The following DGKB variants were observed in gnomAD, a reference collection of about 807,000 sequenced individuals.
The protein encoded by DGKB is diacylglycerol kinase beta, also known as 90 kDa diacylglycerol kinase.
In DGKB, 67 loss-of-function variants were observed where a neutral mutation model predicts 114.3. That is an observed-to-expected ratio of 0.59 (90% CI 0.48 to 0.72). DGKB has a LOEUF of 0.72. Ranked by LOEUF, DGKB falls within the 30% of genes least tolerant of loss-of-function variation. DGKB has a pLI of 0.00. For missense variants in DGKB, 907 were observed against 975.2 expected, an observed-to-expected ratio of 0.93 and a Z score of 0.93; for synonymous variants, 398 against 323.1, an observed-to-expected ratio of 1.23 and a Z score of -2.49.
chr7:14,950,038 A>G (rs1410029767), intron 1 of DGKB, among the ~76,000 whole-genome samples: 1 of 152,014 alleles, frequency 6.6e-6, no homozygotes, highest in Non-Finnish European at 1.5e-5. Flanking sequence ...CCAACATGGC[A>G]CACGTATACA....
Position 14,736,156 on chromosome 7 carries a change from T to C in DGKB, c.207A>G (p.Thr69=). 1 of 1,607,228 alleles carries C rather than the reference T, an allele frequency of 6.2e-7. No homozygotes were observed. Among genetic ancestry groups the C allele is most frequent in the Non-Finnish European group, 8.5e-7 (1 of 1,175,280 alleles). ...DFEGFKLFMK[T]FLEAELPDDF... ...CATCAGGAAGCTCGGCTTCCAGGAATGTCTTCATGAATAGTTTGAAACCTT... is the reference window on the plus strand; with the variant it reads ...CATCAGGAAGCTCGGCTTCCAGGAACGTCTTCATGAATAGTTTGAAACCTT... Residue 69 remains threonine, a synonymous_variant, in exon 5 of 26, where the codon ACA becomes ACG. Transcript: ENST00000402815.
At chr7:14,472,081 A>G (rs756494793) in intron 21 of DGKB, among the ~76,000 whole-genome samples, 2 of 152,190 alleles carry the variant, frequency 1.3e-5, no homozygotes, top group Non-Finnish European at 2.9e-5. Flanking sequence ...TTATTCTAGT[A>G]AAATGGTTTT....
At chr7:14,942,996 T>A (rs937628476) in intron 1 of DGKB, among the ~76,000 whole-genome samples, 3 of 151,982 alleles carry the variant, frequency 2.0e-5, no homozygotes, top group Non-Finnish European at 2.9e-5. Flanking sequence ...AGGGATGTAG[T>A]CTATTTCATA....
intron 21 of DGKB, among the ~76,000 whole-genome samples, chr7:14,435,357 A>G (rs1829083717): frequency 6.6e-6 from 1 of 152,090 alleles, no homozygotes; most frequent in Non-Finnish European, 1.5e-5. Flanking sequence ...CAGTATGTAG[A>G]GGACTAATTA....
In DGKB at chr7:14,279,247, G is replaced by A. The variant is rs904514336; in HGVS notation, c.2122+59268C>T. 7.2e-5 allele frequency among the ~76,000 whole-genome samples: 11 copies of A among 152,186 alleles called. 1 individual carries two copies. Among genetic ancestry groups the A allele is most frequent in the South Asian group, 4.2e-4 (2 of 4,816 alleles). ...GAGGGTCCTACCCCCACGGAGTCTC[G>A]CTGATTGCTAGCACAGCAGTCTGAG... is the stretch of plus-strand genomic sequence containing the variant. On this transcript the variant is annotated intron_variant, in intron 23 of 25. Transcript: ENST00000402815.
At chr7:14,168,274 T>C (rs983852103) in intron 25 of DGKB, among the ~76,000 whole-genome samples, 3 of 151,690 alleles carry the variant, frequency 2.0e-5, no homozygotes, top group African/African-American at 7.3e-5. Context: ...CAATAGAAAA[T>C]ATAGAAGGAA....
intron 21 of DGKB, among the ~76,000 whole-genome samples, chr7:14,359,775 A>G (rs1003549899): frequency 1.3e-5 from 2 of 152,184 alleles, no homozygotes; most frequent in Admixed American, 1.3e-4. Flanking sequence ...ATACCATCTC[A>G]CACTGTTAGA....
intron 25 of DGKB, among the ~76,000 whole-genome samples, chr7:14,163,976 C>T (rs562379751): frequency 6.6e-6 from 1 of 150,862 alleles, no homozygotes; most frequent in Admixed American, 6.6e-5. Context: ...GCCTGGGCAA[C>T]AGCAGAGAAA....
chr7:14,972,476 G>C (rs1433027786), intron 1 of DGKB, among the ~76,000 whole-genome samples: 1 of 151,964 alleles, frequency 6.6e-6, no homozygotes, highest in Non-Finnish European at 1.5e-5. Flanking sequence ...AAAATAACTT[G>C]CTATCTTCTC....
chr7:14,690,207 T>C (rs1822578200), intron 9 of DGKB, among the ~76,000 whole-genome samples: 1 of 152,264 alleles, frequency 6.6e-6, no homozygotes, highest in African/African-American at 2.4e-5. Flanking sequence ...ATCTTGTTCA[T>C]GCAGGAAAAG....
intron 2 of DGKB, among the ~76,000 whole-genome samples, chr7:14,778,067 A>G (rs1408492606): frequency 1.3e-5 from 2 of 152,212 alleles, no homozygotes; most frequent in African/African-American, 4.8e-5. Flanking sequence ...AGACATCAGT[A>G]TTAGTAAATT....
chr7:14,914,703 A>G (rs1408200859), intron 1 of DGKB, among the ~76,000 whole-genome samples: 1 of 152,158 alleles, frequency 6.6e-6, no homozygotes, highest in African/African-American at 2.4e-5. Context: ...TAAAATTATT[A>G]AATAGGGAAT....
intron 20 of DGKB, among the ~76,000 whole-genome samples, chr7:14,562,726 A>G (rs900256581): frequency 1.3e-5 from 2 of 152,112 alleles, no homozygotes; most frequent in African/African-American, 4.8e-5. Context: ...CTGTACCCCC[A>G]TTGTATCTAG....
intron 20 of DGKB, among the ~76,000 whole-genome samples, chr7:14,567,173 TTATA>T (rs1323131688): frequency 1.1e-5 from 1 of 95,152 alleles, no homozygotes; most frequent in Non-Finnish European, 1.9e-5. Flanking sequence ...TTTATATATA[TTATA>T]TATAATTATA....
chr7:14,861,589 C>G (rs577362880), intron 1 of DGKB, among the ~76,000 whole-genome samples: 3 of 152,032 alleles, frequency 2.0e-5, no homozygotes, highest in African/African-American at 7.2e-5. Flanking sequence ...ACATTAGATG[C>G]CTGTTTGCCT....
At chr7:14,528,137 T>C (rs777812613) in intron 20 of DGKB, among the ~76,000 whole-genome samples, 1 of 152,160 alleles carries the variant, frequency 6.6e-6, no homozygotes, top group South Asian at 2.1e-4. Context: ...TCTGTTTTTA[T>C]ACATATTTTG....
At chr7:14,800,403 G>A (rs1392815880) in intron 2 of DGKB, among the ~76,000 whole-genome samples, 1 of 152,146 alleles carries the variant, frequency 6.6e-6, no homozygotes, top group Non-Finnish European at 1.5e-5. Flanking sequence ...CCTTAATCTG[G>A]TGGGTAAAAT....
chr7:14,182,187 CAA>C (rs959177355), intron 23 of DGKB, among the ~76,000 whole-genome samples: 1 of 151,886 alleles, frequency 6.6e-6, no homozygotes, highest in Non-Finnish European at 1.5e-5. Flanking sequence ...AAAATATCTA[CAA>C]GTCTCTATAA....
chr7:14,275,931 A>C (rs1330424012), intron 23 of DGKB, among the ~76,000 whole-genome samples: 1 of 152,222 alleles, frequency 6.6e-6, no homozygotes, highest in Non-Finnish European at 1.5e-5. Context: ...TCTAATTCAT[A>C]GAGTAAAGAA....
Sources: gnomAD v4.1 joint callset for allele counts (sites outside exome capture counted in the v4.1 genomes callset) on GRCh38, gnomAD v4.1.1 for gene constraint, MANE v1.5 for transcripts, NCBI Gene and HGNC (gene_info 2026-07-23, HGNC 2026-07-21) for gene names.